Variants in SIPA1L3 observed in about 807,000 individuals in gnomAD.
The protein encoded by SIPA1L3 is signal-induced proliferation-associated 1-like protein 3.
Under a neutral mutation model 150.1 loss-of-function variants are expected in SIPA1L3, and 59 were observed. That is an observed-to-expected ratio of 0.39 (90% CI 0.32 to 0.49). SIPA1L3 has a LOEUF of 0.49. Ranked by LOEUF, SIPA1L3 falls within the 20% of genes least tolerant of loss-of-function variation. The pLI, the probability that SIPA1L3 is intolerant of heterozygous loss-of-function variation, is 0.86. For missense variants in SIPA1L3, 2,211 were observed against 2,489.5 expected (o/e 0.89, Z 2.38); for synonymous variants, 1,070 against 1,077.6 (o/e 0.99, Z 0.14).
intron 8 of SIPA1L3, 32 bp from the exon 9 acceptor site, chr19:38,119,274 T>C (rs1395292094): frequency 6.4e-7 from 1 of 1,573,084 alleles, no homozygotes. Flanking sequence ...GTGCCTTTCT[T>C]CCCACCATCT....
Position 37,982,907 on chromosome 19 carries a change from A to C in SIPA1L3, c.-378-46182A>C, listed in dbSNP as rs368824930. On this transcript the variant is annotated intron_variant, in intron 1 of 21. Coordinates refer to ENST00000222345, the MANE Select transcript of SIPA1L3 (RefSeq NM_015073.3). ...AGCTCCTCCTGGCTATTCAGGACCC[A>C]CCTTACAGGTTCCTGTGGCCTCCCT... Among the ~76,000 whole-genome samples, 98 of 152,244 alleles carry C rather than the reference A, an allele frequency of 6.4e-4. 2 individuals are homozygous for C. The East Asian group carries it at 0.017, about 27-fold the overall frequency.
chr19:38,054,636 A>G (rs199701342), intron 2 of SIPA1L3, among the ~76,000 whole-genome samples: 22 of 58,610 alleles, frequency 3.8e-4, no homozygotes, highest in Middle Eastern at 7.0e-3. Flanking sequence ...AGTTTAGGGG[A>G]AAAAAAAATC....
intron 10 of SIPA1L3, among the ~76,000 whole-genome samples, chr19:38,135,768 G>A (rs1475215504): frequency 6.6e-6 from 1 of 152,104 alleles, no homozygotes; most frequent in Non-Finnish European, 1.5e-5. Context: ...GGACTTGGGT[G>A]GTTTTTGTTG....
At chr19:37,980,048 C>G (rs958833722) in intron 1 of SIPA1L3, among the ~76,000 whole-genome samples, 1 of 152,230 alleles carries the variant, frequency 6.6e-6, no homozygotes. Context: ...ATCGGGCAGT[C>G]CTGTGGAGGG....
chr19:37,971,458 C>T (rs1037978988), intron 1 of SIPA1L3, among the ~76,000 whole-genome samples: 8 of 152,144 alleles, frequency 5.3e-5, no homozygotes, highest in Non-Finnish European at 1.2e-4. Flanking sequence ...CACCACTAAT[C>T]TTTCTGTCTC....
At chr19:37,997,680 A>C (rs1967674102) in intron 1 of SIPA1L3, among the ~76,000 whole-genome samples, 1 of 151,842 alleles carries the variant, frequency 6.6e-6, no homozygotes, top group Admixed American at 6.6e-5. Flanking sequence ...CATCCTGGCC[A>C]ACATGGTGAA....
At chr19:37,918,323 G>C (rs140217115) in intron 1 of SIPA1L3, among the ~76,000 whole-genome samples, 1 of 151,668 alleles carries the variant, frequency 6.6e-6, no homozygotes, top group Admixed American at 6.6e-5. Context: ...GCAGTGGCGC[G>C]ATCTTGGCTC....
At chr19:38,094,267 G>A (rs1311369638) in intron 4 of SIPA1L3, among the ~76,000 whole-genome samples, 1 of 152,052 alleles carries the variant, frequency 6.6e-6, no homozygotes, top group African/African-American at 2.4e-5. Context: ...ATTTATTTTT[G>A]AGACAAGGTC....
chr19:37,979,261 A>G (rs1006900526), intron 1 of SIPA1L3, among the ~76,000 whole-genome samples: 1 of 151,604 alleles, frequency 6.6e-6, no homozygotes, highest in Non-Finnish European at 1.5e-5. Context: ...TATGAAATTT[A>G]GGTTTCGCCA....
chr19:38,130,437 G>C, intron 9 of SIPA1L3, 61 bp from the exon 10 acceptor site: 1 of 1,543,648 alleles, frequency 6.5e-7, no homozygotes, highest in South Asian at 1.2e-5. Flanking sequence ...CGTGACCAGG[G>C]GTCTTCCAGA....
chr19:38,041,489 G>A (rs1169951536), intron 2 of SIPA1L3, among the ~76,000 whole-genome samples: 1 of 151,994 alleles, frequency 6.6e-6, no homozygotes, highest in Non-Finnish European at 1.5e-5. Flanking sequence ...ATGTCGGCCA[G>A]GCTGATCTCA....
At chr19:37,954,187 C>G (rs75329813) in intron 1 of SIPA1L3, among the ~76,000 whole-genome samples, 71 of 152,046 alleles carry the variant, frequency 4.7e-4, no homozygotes, top group Non-Finnish European at 7.9e-4. Flanking sequence ...TAGAAAAATT[C>G]AGTGGTCCTG....
chr19:37,986,672 G>A (rs569846024), intron 1 of SIPA1L3, among the ~76,000 whole-genome samples: 1 of 152,208 alleles, frequency 6.6e-6, no homozygotes, highest in African/African-American at 2.4e-5. Context: ...CTGGCTGCAC[G>A]AACCCTATTA....
intron 8 of SIPA1L3, among the ~76,000 whole-genome samples, chr19:38,112,616 A>G (rs1970790276): frequency 6.6e-6 from 1 of 152,208 alleles, no homozygotes; most frequent in Admixed American, 6.5e-5. Flanking sequence ...ATCATTTAAC[A>G]GAGACCCATG....
intron 1 of SIPA1L3, among the ~76,000 whole-genome samples, chr19:38,007,462 A>G (rs1967977183): frequency 6.9e-6 from 1 of 144,274 alleles, no homozygotes; most frequent in South Asian, 2.3e-4. Context: ...AAAAAAAAAA[A>G]AAAAGAAAGA....
At chr19:38,060,704 T>G (rs1010300770) in intron 2 of SIPA1L3, among the ~76,000 whole-genome samples, 16 of 152,222 alleles carry the variant, frequency 1.1e-4, no homozygotes, top group African/African-American at 3.6e-4. Flanking sequence ...GCTAACTTTT[T>G]TTTTGAGACA....
At chr19:37,995,210 G>A (rs1399530720) in intron 1 of SIPA1L3, among the ~76,000 whole-genome samples, 1 of 152,172 alleles carries the variant, frequency 6.6e-6, no homozygotes, top group African/African-American at 2.4e-5. Flanking sequence ...TGCAAGGGAG[G>A]CTGGGGCAGC....
At chr19:38,162,219 C>T in intron 13 of SIPA1L3, 34 bp from the exon 14 acceptor site, 5 of 1,571,572 alleles carry the variant, frequency 3.2e-6, no homozygotes, top group Non-Finnish European at 4.4e-6. Context: ...CTGAGTCACT[C>T]CTAACCACTG....
intron 16 of SIPA1L3, among the ~76,000 whole-genome samples, chr19:38,189,269 A>T (rs1972755163): frequency 6.6e-6 from 1 of 151,396 alleles, no homozygotes; most frequent in Non-Finnish European, 1.5e-5. Flanking sequence ...GGCCCATAGG[A>T]GTACACAACC....
Sources: allele counts gnomAD v4.1 joint callset (sites outside exome capture counted in the v4.1 genomes callset), GRCh38; gene constraint gnomAD v4.1.1; transcripts MANE v1.5; gene names NCBI Gene and HGNC (gene_info 2026-07-23, HGNC 2026-07-21).